The following GXYLT2 variants were observed in gnomAD, a reference collection of about 807,000 sequenced individuals.
GXYLT2 encodes glycosyltransferase 8 domain containing 4.
In GXYLT2, 53 loss-of-function variants were observed where a neutral mutation model predicts 45.8. That is an observed-to-expected ratio of 1.16 (90% confidence interval 0.93 to 1.46). GXYLT2 has a LOEUF of 1.46. Among genes scored for constraint, GXYLT2 ranks in the 40% most tolerant of loss-of-function variants. The pLI is 0.00. For synonymous variants in GXYLT2, 219 were observed against 214.2 expected (o/e 1.02, Z -0.19); for missense variants, 551 against 544.4 (o/e 1.01, Z -0.12).
chr3:72,908,714 A>G (rs1709556471), intron 2 of GXYLT2, among the ~76,000 whole-genome samples, 155 bp downstream of exon 2: 1 of 152,168 alleles, frequency 6.6e-6, no homozygotes, highest in African/African-American at 2.4e-5. Flanking sequence ...TAAAACAGGG[A>G]TAATTATACC....
chr3:72,941,183 G>T (rs1199405892), intron 3 of GXYLT2, among the ~76,000 whole-genome samples: 1 of 152,068 alleles, frequency 6.6e-6, no homozygotes, highest in African/African-American at 2.4e-5. Context: ...AATAAAGGTG[G>T]CAATGATAAT....
intron 1 of GXYLT2, among the ~76,000 whole-genome samples, chr3:72,895,390 T>A (rs987269402): frequency 2.6e-5 from 4 of 152,180 alleles, no homozygotes; most frequent in African/African-American, 9.7e-5. Context: ...CTTAATCTAG[T>A]TTGACTTGCA....
chr3:72,970,614 C>A (rs572848220), intron 6 of GXYLT2, among the ~76,000 whole-genome samples: 2 of 152,276 alleles, frequency 1.3e-5, no homozygotes, highest in East Asian at 3.9e-4. Flanking sequence ...AATCCCAGCA[C>A]TTTGGGAGGC....
intron 3 of GXYLT2, among the ~76,000 whole-genome samples, chr3:72,931,290 C>A: frequency 6.6e-6 from 1 of 151,414 alleles, no homozygotes; most frequent in Non-Finnish European, 1.5e-5. Context: ...TGCAGTGGCT[C>A]CATCTCCGCT....
At chr3:72,938,214 TG>T (rs939625992) in intron 3 of GXYLT2, among the ~76,000 whole-genome samples, 3 of 152,082 alleles carry the variant, frequency 2.0e-5, no homozygotes, top group East Asian at 1.9e-4. Context: ...GATGAATGGG[TG>T]GAAGGAAAGA....
chr3:72,891,731 A>C (rs1375114711), intron 1 of GXYLT2, among the ~76,000 whole-genome samples: 1 of 152,236 alleles, frequency 6.6e-6, no homozygotes, highest in Non-Finnish European at 1.5e-5. Context: ...ATGGTATAAA[A>C]AATGAAAAGT....
intron 3 of GXYLT2, among the ~76,000 whole-genome samples, chr3:72,947,657 C>G (rs1710435622): frequency 6.6e-6 from 1 of 152,002 alleles, no homozygotes; most frequent in South Asian, 2.1e-4. Flanking sequence ...AAAAAGTAGC[C>G]AAGTGTGGTG....
intron 4 of GXYLT2, among the ~76,000 whole-genome samples, chr3:72,956,570 A>T (rs969527242): frequency 6.6e-6 from 1 of 152,178 alleles, no homozygotes; most frequent in African/African-American, 2.4e-5. Context: ...GAAGTAGAGT[A>T]GAGAATCCTG....
chr3:72,965,113 TA>T (rs1372458860), intron 5 of GXYLT2, among the ~76,000 whole-genome samples: 6 of 152,146 alleles, frequency 3.9e-5, no homozygotes, highest in African/African-American at 1.2e-4. Context: ...AATGTTCAGG[TA>T]AATGCAAGTA....
chr3:72,892,199 A>T (rs1451022290), intron 1 of GXYLT2, among the ~76,000 whole-genome samples: 2 of 152,218 alleles, frequency 1.3e-5, no homozygotes, highest in Non-Finnish European at 2.9e-5. Flanking sequence ...CTATGATGAG[A>T]TCATCAAGTT....
At chr3:72,933,221 C>A (rs1422733148) in intron 3 of GXYLT2, among the ~76,000 whole-genome samples, 1 of 152,008 alleles carries the variant, frequency 6.6e-6, no homozygotes, top group African/African-American at 2.4e-5. Context: ...TTTTTTTTGA[C>A]CCAGTCGGCC....
At chr3:72,913,194 C>T (rs1021843751) in intron 2 of GXYLT2, among the ~76,000 whole-genome samples, 26 of 151,022 alleles carry the variant, frequency 1.7e-4, no homozygotes, top group Admixed American at 7.9e-4. Context: ...CCCGCCACCA[C>T]GCCCGGCTAA....
At chr3:72,956,199 C>T (rs1710644839) in intron 4 of GXYLT2, among the ~76,000 whole-genome samples, 1 of 151,934 alleles carries the variant, frequency 6.6e-6, no homozygotes, top group African/African-American at 2.4e-5. Context: ...TGCATTATAG[C>T]CACTGCACTT....
intron 4 of GXYLT2, among the ~76,000 whole-genome samples, chr3:72,956,114 GGTGTCACGTGGCT>G (rs1710639322): frequency 7.9e-5 from 12 of 152,122 alleles, no homozygotes; most frequent in Admixed American, 7.9e-4. Flanking sequence ...AATGGGGCAT[GGTGTCACGTGGCT>G]GTAGTCTCAG....
chr3:72,936,466 T>A (rs368396962), intron 3 of GXYLT2, among the ~76,000 whole-genome samples: 2 of 151,636 alleles, frequency 1.3e-5, no homozygotes, highest in East Asian at 3.9e-4. Flanking sequence ...ATGGTGAAAC[T>A]CTGTCTCTAC....
At chr3:72,902,171 A>G (rs1262057429) in intron 1 of GXYLT2, among the ~76,000 whole-genome samples, 1 of 152,104 alleles carries the variant, frequency 6.6e-6, no homozygotes, top group Non-Finnish European at 1.5e-5. Context: ...ATGTGGACAC[A>G]TGTTTTCAAT....
intron 2 of GXYLT2, among the ~76,000 whole-genome samples, chr3:72,913,295 C>T (rs1209167986): frequency 2.0e-5 from 3 of 151,596 alleles, no homozygotes; most frequent in East Asian, 3.9e-4. Context: ...GCCTCGGCCT[C>T]CCAAAGTGCT....
rs115759257 is a variant in GXYLT2, at chr3:72,895,734, A to G, written c.275+7226A>G. 6.5e-3 allele frequency among the ~76,000 whole-genome samples: 992 copies of G among 152,336 alleles called. 13 individuals are homozygous for G. Among genetic ancestry groups the G allele is most frequent in the African/African-American group, 0.023 (947 of 41,580 alleles). On this transcript the variant is annotated intron_variant, in intron 1 of 6. Transcript: ENST00000389617. Reference sequence around the variant, plus strand: ...TAAATATTCCCCAGCATTTATTTCAAATTATGAAGTTCCGAAAACTCCTCT... The same window carrying G: ...TAAATATTCCCCAGCATTTATTTCAGATTATGAAGTTCCGAAAACTCCTCT...
In GXYLT2 at chr3:72,920,475, C is replaced by T. The variant is rs907676714; in HGVS notation, c.469-1729C>T. On this transcript the variant is annotated intron_variant, in intron 2 of 6. Coordinates refer to ENST00000389617, the MANE Select transcript of GXYLT2 (RefSeq NM_001080393.2). ...TTAAGAGGCAGGTCTTGTTATACTGCGCTGGCTGGTCTCAAATTCCTGGGC... is the reference window on the plus strand; with the variant it reads ...TTAAGAGGCAGGTCTTGTTATACTGTGCTGGCTGGTCTCAAATTCCTGGGC... Among the ~76,000 whole-genome samples, 19 of 152,076 alleles carry T rather than the reference C, an allele frequency of 1.2e-4. No individual in the cohort carries two copies. In the East Asian group the frequency reaches 2.1e-3, roughly 17 times the overall value.
Sources: allele counts gnomAD v4.1 joint callset (sites outside exome capture counted in the v4.1 genomes callset), GRCh38; gene constraint gnomAD v4.1.1; transcripts MANE v1.5; gene names NCBI Gene and HGNC (gene_info 2026-07-23, HGNC 2026-07-21).